PIP5K1B: variants seen among roughly 807,000 people sequenced by gnomAD.
The protein encoded by PIP5K1B is phosphatidylinositol-4-phosphate 5-kinase type 1 beta, also known as phosphatidylinositol 4-phosphate 5-kinase type-1 beta.
Under a neutral mutation model 67.0 loss-of-function variants are expected in PIP5K1B, and 42 were observed. The ratio of observed to expected loss-of-function variants is 0.63; its 90% confidence interval spans 0.49 to 0.81. The LOEUF is 0.81. PIP5K1B is among the 30% of genes least tolerant of loss of function. The pLI, the probability that PIP5K1B is intolerant of heterozygous loss-of-function variation, is 0.00. For missense variants in PIP5K1B, 459 were observed against 646.3 expected (o/e 0.71, Z 3.14); for synonymous variants, 214 against 231.4 (o/e 0.92, Z 0.68).
In PIP5K1B at chr9:68,823,964, G is replaced by A. The variant is rs1299404673; in HGVS notation, c.69+1281G>A. The A allele has an allele frequency of 1.5e-5, 6 of 389,804 alleles. No homozygotes were observed. In the East Asian group the frequency reaches 3.3e-4, roughly 21 times the overall value. The allele number at this position is 389,804 out of a possible 1,614,324, so 24.1% of individuals were successfully genotyped here. A position where few individuals can be genotyped will look rare whatever the true frequency, so the allele number is the denominator to read the frequency against. On this transcript the variant is annotated intron_variant, in intron 4 of 15. Coordinates refer to ENST00000265382, the MANE Select transcript of PIP5K1B (RefSeq NM_003558.4). Reference sequence around the variant, plus strand: ...CAAACCTTGAAATACAAACTGGGAGGTTGTCATTCAAAGTGATGGTGTGGT... The same window carrying A: ...CAAACCTTGAAATACAAACTGGGAGATTGTCATTCAAAGTGATGGTGTGGT...
At chr9:68,750,323 C>T (rs1204431337) in intron 2 of PIP5K1B, among the ~76,000 whole-genome samples, 4 of 152,228 alleles carry the variant, frequency 2.6e-5, no homozygotes, top group Admixed American at 2.6e-4. Flanking sequence ...GATTGCCTGT[C>T]AGTTATGCTA....
intron 2 of PIP5K1B, among the ~76,000 whole-genome samples, chr9:68,748,659 T>C (rs1303435385): frequency 6.9e-6 from 1 of 143,910 alleles, no homozygotes; most frequent in Non-Finnish European, 1.5e-5. Flanking sequence ...TTCACTCTTG[T>C]TGCCCAGGCT....
chr9:68,874,671 A>G (rs1823787806), intron 5 of PIP5K1B, among the ~76,000 whole-genome samples: 1 of 152,234 alleles, frequency 6.6e-6, no homozygotes, highest in Non-Finnish European at 1.5e-5. Flanking sequence ...CAACAAAATG[A>G]GAAACTCCAT....
At chr9:68,993,510 A>T (rs1257373406) in intron 15 of PIP5K1B, among the ~76,000 whole-genome samples, 1 of 152,126 alleles carries the variant, frequency 6.6e-6, no homozygotes, top group African/African-American at 2.4e-5. Context: ...GTTTTTGCAT[A>T]AACAAATTTT....
intron 2 of PIP5K1B, among the ~76,000 whole-genome samples, chr9:68,776,840 C>T (rs936911397): frequency 2.0e-5 from 3 of 152,168 alleles, no homozygotes; most frequent in African/African-American, 7.2e-5. Flanking sequence ...TGGCATTATT[C>T]ATTTGCAGCT....
At chr9:68,966,931 A>G (rs1485877643) in intron 14 of PIP5K1B, among the ~76,000 whole-genome samples, 1 of 152,228 alleles carries the variant, frequency 6.6e-6, no homozygotes, top group African/African-American at 2.4e-5. Context: ...TGAATAAGTA[A>G]TCTGTCAAAT....
chr9:68,752,918 G>A (rs1043483221), intron 2 of PIP5K1B, among the ~76,000 whole-genome samples: 11 of 152,188 alleles, frequency 7.2e-5, no homozygotes, highest in African/African-American at 2.4e-4. Flanking sequence ...TTTTCTCTAC[G>A]ATTTTGGCTG....
At chr9:68,873,808 AATAACAGAG>A (rs1311206461) in intron 5 of PIP5K1B, among the ~76,000 whole-genome samples, 1 of 152,140 alleles carries the variant, frequency 6.6e-6, no homozygotes, top group Admixed American at 6.6e-5. Context: ...TCAGCTTTTA[AATAACAGAG>A]ATAATTTGAA....
chr9:68,897,919 A>G (rs1825170255), intron 8 of PIP5K1B, among the ~76,000 whole-genome samples: 1 of 152,178 alleles, frequency 6.6e-6, no homozygotes, highest in African/African-American at 2.4e-5. Flanking sequence ...CCTGCTCCCC[A>G]TGGACTGCTT....
intron 15 of PIP5K1B, among the ~76,000 whole-genome samples, chr9:69,003,363 G>T (rs998703808): frequency 2.0e-5 from 3 of 151,826 alleles, no homozygotes; most frequent in African/African-American, 7.3e-5. Context: ...AGATATTTGG[G>T]ACAAAGAATT....
At chr9:68,798,871 GCA>G (rs1832436529) in intron 2 of PIP5K1B, among the ~76,000 whole-genome samples, 1 of 152,192 alleles carries the variant, frequency 6.6e-6, no homozygotes, top group Non-Finnish European at 1.5e-5. Flanking sequence ...CTGAGGTGTA[GCA>G]ATTAGGATGG....
At chr9:68,753,515 CTTTTTTT>C (rs71500334) in intron 2 of PIP5K1B, among the ~76,000 whole-genome samples, 4 of 38,282 alleles carry the variant, frequency 1.0e-4, no homozygotes, top group African/African-American at 4.7e-4. Flanking sequence ...AATTTTGTTT[CTTTTTTT>C]TTTTTTTTTT....
intron 14 of PIP5K1B, among the ~76,000 whole-genome samples, chr9:68,944,390 C>T (rs542653782): frequency 5.3e-5 from 8 of 152,128 alleles, no homozygotes; most frequent in African/African-American, 1.4e-4. Flanking sequence ...TGATTTCCTG[C>T]GTAGTTGGTA....
At chr9:68,932,828 C>A (rs1426919841) in intron 12 of PIP5K1B, among the ~76,000 whole-genome samples, 1 of 152,168 alleles carries the variant, frequency 6.6e-6, no homozygotes, top group Non-Finnish European at 1.5e-5. Flanking sequence ...CAGCTGGGCA[C>A]AGTGGCTCAT....
intron 2 of PIP5K1B, among the ~76,000 whole-genome samples, chr9:68,755,756 GAAGT>G (rs1298529078): frequency 1.3e-5 from 2 of 152,334 alleles, no homozygotes; most frequent in East Asian, 3.9e-4. Context: ...GTGGGAATCT[GAAGT>G]AAGAGGTGGT....
At chr9:68,756,860 G>C (rs1829952340) in intron 2 of PIP5K1B, among the ~76,000 whole-genome samples, 1 of 152,082 alleles carries the variant, frequency 6.6e-6, no homozygotes. Flanking sequence ...TAATCTTAAT[G>C]ATATATTTTA....
intron 1 of PIP5K1B, among the ~76,000 whole-genome samples, chr9:68,732,931 G>A (rs71503638): frequency 2.3e-4 from 35 of 149,486 alleles, no homozygotes; most frequent in African/African-American, 6.7e-4. Context: ...GGGGGGCGGC[G>A]CGGTGGGAGA....
intron 2 of PIP5K1B, among the ~76,000 whole-genome samples, chr9:68,791,071 T>C (rs1831941410): frequency 6.6e-6 from 1 of 152,224 alleles, no homozygotes; most frequent in Non-Finnish European, 1.5e-5. Context: ...CTGGTTTTTT[T>C]CCAGTTGCCT....
At chr9:68,924,826 A>C (rs540290798) in intron 12 of PIP5K1B, among the ~76,000 whole-genome samples, 3 of 152,008 alleles carry the variant, frequency 2.0e-5, no homozygotes, top group African/African-American at 7.2e-5. Context: ...CTTGCAATGT[A>C]AACATTTTGG....
Sources: gnomAD v4.1 joint callset for allele counts (sites outside exome capture counted in the v4.1 genomes callset) on GRCh38, gnomAD v4.1.1 for gene constraint, MANE v1.5 for transcripts, NCBI Gene and HGNC (gene_info 2026-07-23, HGNC 2026-07-21) for gene names.